Variants in BLTP1 observed in about 807,000 individuals in gnomAD.
The protein encoded by BLTP1 is fragile site-associated protein.
At chr4:122,343,538 G>A in the BLTP1 span, 2 of 1,613,906 alleles carry the variant, frequency 1.2e-6, no homozygotes, top group Non-Finnish European at 1.7e-6. Context: ...TTCCCTTTAT[G>A]TATTTCATCC....
chr4:122,318,405 G>T, the BLTP1 span: 2 of 734,764 alleles, frequency 2.7e-6, no homozygotes, highest in South Asian at 1.6e-5. Context: ...AAACTTAGGA[G>T]GTAGCTTGTG....
chr4:122,344,441 C>T, the BLTP1 span: 1 of 1,613,760 alleles, frequency 6.2e-7, no homozygotes, highest in Non-Finnish European at 8.5e-7. Flanking sequence ...CAGTATAAAC[C>T]TTGAGTTTGT....
At chr4:122,248,046 A>G in the BLTP1 span, 5 of 985,124 alleles carry the variant, frequency 5.1e-6, no homozygotes, top group Non-Finnish European at 6.0e-6. Flanking sequence ...TGCTTACTGT[A>G]TTTTATAGGT....
At chr4:122,336,454 C>T in the BLTP1 span, 3 of 772,240 alleles carry the variant, frequency 3.9e-6, no homozygotes, top group Non-Finnish European at 3.8e-6. Context: ...ATAATATATG[C>T]AATTATAAAT....
chr4:122,168,024 T>C, the BLTP1 span: 1 of 381,488 alleles, frequency 2.6e-6, no homozygotes. Context: ...GTGTCTAGTG[T>C]TGCCTTACTT....
chr4:122,238,747 G>A, the BLTP1 span, among the ~76,000 whole-genome samples: 10 of 152,054 alleles, frequency 6.6e-5, no homozygotes, highest in African/African-American at 1.7e-4. Flanking sequence ...TCAAAATTTC[G>A]TCCCACCTCC....
the BLTP1 span, chr4:122,274,445 G>T: frequency 6.3e-7 from 1 of 1,588,730 alleles, no homozygotes; most frequent in Non-Finnish European, 8.5e-7. Context: ...CAGTAAGTAT[G>T]TCAGTTTTTA....
At chr4:122,291,966 GTT>G in the BLTP1 span, 90 of 118,816 alleles carry the variant, frequency 7.6e-4, no homozygotes, top group Non-Finnish European at 1.3e-3. Context: ...GCATCAAACA[GTT>G]TTTTTTTTTT....
At chr4:122,236,277 G>A in the BLTP1 span, among the ~76,000 whole-genome samples, 1 of 152,044 alleles carries the variant, frequency 6.6e-6, no homozygotes, top group African/African-American at 2.4e-5. Context: ...TTATTTTAAG[G>A]TCATTGTACT....
At chr4:122,226,685 A>G in the BLTP1 span, 9 of 1,612,350 alleles carry the variant, frequency 5.6e-6, no homozygotes, top group African/African-American at 2.7e-5. Context: ...AGTGTTGTCA[A>G]CTTGTCACTG....
chr4:122,287,746 A>T, the BLTP1 span: 1 of 977,186 alleles, frequency 1.0e-6, no homozygotes, highest in Non-Finnish European at 1.2e-6. Flanking sequence ...AAGCTCTCTA[A>T]GAGTTGGGAT....
chr4:122,182,676 T>G, the BLTP1 span: 4 of 985,424 alleles, frequency 4.1e-6, no homozygotes, highest in Non-Finnish European at 4.8e-6. Flanking sequence ...CATGACCCTG[T>G]TGGGACCATA....
chr4:122,325,466 A>G, the BLTP1 span: 8 of 1,365,872 alleles, frequency 5.9e-6, no homozygotes, highest in African/African-American at 1.2e-4. Context: ...CATATTACCA[A>G]GTAGTGGGCA....
the BLTP1 span, among the ~76,000 whole-genome samples, chr4:122,280,682 A>AC: frequency 2.0e-5 from 3 of 150,840 alleles, no homozygotes; most frequent in African/African-American, 7.3e-5. Context: ...AAAAAAAAAA[A>AC]CAACCATGTA....
At chr4:122,181,322 T>C in the BLTP1 span, 2 of 520,320 alleles carry the variant, frequency 3.8e-6, no homozygotes, top group Middle Eastern at 9.5e-4. Flanking sequence ...TGAACACTCC[T>C]CTTTTTTCCT....
the BLTP1 span, among the ~76,000 whole-genome samples, chr4:122,160,544 C>T: frequency 1.7e-3 from 254 of 152,260 alleles, no homozygotes; most frequent in African/African-American, 6.0e-3. Context: ...TATACTTTAT[C>T]TGTATAGCAT....
the BLTP1 span, among the ~76,000 whole-genome samples, chr4:122,350,708 A>C: frequency 2.0e-5 from 3 of 152,220 alleles, no homozygotes; most frequent in Non-Finnish European, 4.4e-5. Flanking sequence ...TTCTGAAGTG[A>C]CATTTTAGTG....
the BLTP1 span, among the ~76,000 whole-genome samples, chr4:122,310,354 G>A: frequency 6.6e-6 from 1 of 151,712 alleles, no homozygotes; most frequent in African/African-American, 2.4e-5. Flanking sequence ...TTTGCTGGGG[G>A]GCTTGTGTAA....
At chr4:122,266,137 CAG>C in the BLTP1 span, among the ~76,000 whole-genome samples, 2 of 152,130 alleles carry the variant, frequency 1.3e-5, no homozygotes, top group South Asian at 4.1e-4. Flanking sequence ...GATGAGTAGT[CAG>C]AGTGATTTTA....
Sources: allele counts gnomAD v4.1 joint callset (sites outside exome capture counted in the v4.1 genomes callset), GRCh38; gene constraint gnomAD v4.1.1; transcripts MANE v1.5; gene names NCBI Gene and HGNC (gene_info 2026-07-23, HGNC 2026-07-21).